Variants in CWF19L2 observed in about 807,000 individuals in gnomAD.
The protein encoded by CWF19L2 is CWF19 like cell cycle control factor 2, also known as CWF19-like protein 2.
CWF19L2 carries 98 observed loss-of-function variants against 111.7 expected under a neutral mutation model. The observed-to-expected ratio is 0.88, with a 90% confidence interval of 0.75 to 1.04. The LOEUF (loss-of-function observed/expected upper bound fraction) is 1.04. Ranked by LOEUF, CWF19L2 falls within the 50% of genes least tolerant of loss-of-function variation. The pLI, the probability that CWF19L2 is intolerant of heterozygous loss-of-function variation, is 0.00. For synonymous variants in CWF19L2, 351 were observed against 342.9 expected, an observed-to-expected ratio of 1.02 and a Z score of -0.26; for missense variants, 1,101 against 1,051.4, an observed-to-expected ratio of 1.05 and a Z score of -0.65.
At chr11:107,376,360 C>A (rs1591171789) in intron 12 of CWF19L2, among the ~76,000 whole-genome samples, 1 of 92,606 alleles carries the variant, frequency 1.1e-5, no homozygotes, top group South Asian at 3.2e-4. Flanking sequence ...ATGCAAAAAT[C>A]CTCAATAAAA....
intron 7 of CWF19L2, among the ~76,000 whole-genome samples, chr11:107,432,391 T>G (rs1308498911): frequency 6.6e-6 from 1 of 152,016 alleles, no homozygotes; most frequent in Non-Finnish European, 1.5e-5. Context: ...GCCTGACCAA[T>G]ATGGTGAAAC....
chr11:107,326,968 G>A lies in CWF19L2; in HGVS notation c.2627C>T (p.Ala876Val), dbSNP rs1859770411. The change falls in exon 18 of 18, where the codon GCA (alanine) becomes GTA (valine). Residue 876 changes from alanine to valine, a missense_variant. Coordinates refer to ENST00000282251, the MANE Select transcript of CWF19L2 (RefSeq NM_152434.3). ...TTTCCACCACTGAGCAAACTGCAGT[G>A]CTTTTTTCCTCTGATCCTCAAAGCT... Reference protein sequence around the residue: ...RESFEDQRKKALQFAQWWKPY... With the variant: ...RESFEDQRKKVLQFAQWWKPY... 1 of 1,611,710 alleles carries A rather than the reference G, an allele frequency of 6.2e-7. No homozygotes were observed. The highest frequency in any genetic ancestry group is 1.3e-5 in the African/African-American group (1 of 74,742).
At chr11:107,430,430 T>C (rs1447128594) in intron 7 of CWF19L2, among the ~76,000 whole-genome samples, 1 of 152,144 alleles carries the variant, frequency 6.6e-6, no homozygotes, top group Non-Finnish European at 1.5e-5. Flanking sequence ...ACAGTCAAAT[T>C]ATCCTTCCTT....
chr11:107,403,105 A>G (rs1004054149), intron 10 of CWF19L2, among the ~76,000 whole-genome samples: 8 of 151,342 alleles, frequency 5.3e-5, no homozygotes, highest in African/African-American at 1.9e-4. Context: ...GACTTTAGGG[A>G]AAGAGTGTGA....
chr11:107,361,030 C>T (rs1860323617), intron 12 of CWF19L2, among the ~76,000 whole-genome samples: 1 of 152,156 alleles, frequency 6.6e-6, no homozygotes, highest in African/African-American at 2.4e-5. Context: ...TCGCCTAGAT[C>T]AATGTCCAGA....
In CWF19L2 at chr11:107,416,292, C is replaced by T; in HGVS notation, c.1534G>A (p.Ala512Thr). The T allele has an allele frequency of 7.1e-7, 1 of 1,416,358 alleles. No homozygotes were observed. Among genetic ancestry groups the T allele is most frequent in the East Asian group, 2.7e-5 (1 of 36,562 alleles). The allele number at this position is 1,416,358 out of a possible 1,614,324, so 87.7% of individuals were successfully genotyped here. A position where few individuals can be genotyped will look rare whatever the true frequency, so the allele number is the denominator to read the frequency against. The stretch of plus-strand genomic sequence containing the variant: ...TCAAGTTGAACTTTAAGTTGTTCAG[C>T]TAATTCCTTCAAAAAGAAAAACAAG... ...KAEMMGNMEL[A>T]EQLKVQLEKA... Residue 512 changes from alanine (A) to threonine (T), a missense_variant, in exon 10 of 18, where the codon GCT becomes ACT. Transcript: ENST00000282251.
rs767987900 is a variant in CWF19L2, at chr11:107,353,586, A to T, written c.2023T>A (p.Cys675Ser). The change falls in exon 13 of 18, where the codon TGT becomes AGT. Residue 675 changes from cysteine (C) to serine (S), a missense_variant. By Grantham distance (112) the Cys-to-Ser change is moderately radical (BLOSUM62 -1). Transcript: ENST00000282251. ...TGAGAGCTGTCAAAACAATACAGAC[A>T]TTTTTCCATTTGTGCAGCAAGACTC... ...HRSLAAQMEK[C>S]LYCFDSSQFP... 25 of 1,613,654 alleles carry T rather than the reference A, an allele frequency of 1.5e-5. No homozygotes were observed. Among genetic ancestry groups the T allele is most frequent in the Non-Finnish European group, 2.0e-5 (24 of 1,179,784 alleles).
Position 107,439,104 on chromosome 11 carries a change from G to T in CWF19L2, c.650C>A (p.Ser217Ter). The change falls in exon 6 of 18, where the codon TCA becomes TAA. Residue 217 changes from serine to a stop codon, truncating the protein, a stop_gained. Transcript: ENST00000282251. LOFTEE classifies it high-confidence loss of function. ...TGTAGAAATACCTTTAGTAATCGATGACACACTACAGTCTTCAGGTGGAAG... is the reference window on the plus strand; with the variant it reads ...TGTAGAAATACCTTTAGTAATCGATTACACACTACAGTCTTCAGGTGGAAG... ...TGLPPEDCSV[S>*]SITKVSVVED... The T allele has an allele frequency of 2.1e-6, 3 of 1,401,150 alleles. No homozygotes were observed. Among genetic ancestry groups the T allele is most frequent in the South Asian group, 1.2e-5 (1 of 84,742 alleles). The allele number at this position is 1,401,150 out of a possible 1,614,324, so 86.8% of individuals were successfully genotyped here.
At chr11:107,338,079 A>T (rs140943770) in intron 14 of CWF19L2, among the ~76,000 whole-genome samples, 20 of 152,142 alleles carry the variant, frequency 1.3e-4, no homozygotes, top group South Asian at 2.1e-4. Context: ...ATTTTTAGAG[A>T]TGTGGTTATG....
intron 10 of CWF19L2, among the ~76,000 whole-genome samples, chr11:107,410,905 T>C (rs1861146875): frequency 6.6e-6 from 1 of 152,112 alleles, no homozygotes; most frequent in African/African-American, 2.4e-5. Flanking sequence ...AAAAAGCACT[T>C]CACTTTAGGA....
chr11:107,338,534 T>A (rs898936864), intron 14 of CWF19L2, among the ~76,000 whole-genome samples: 1 of 152,166 alleles, frequency 6.6e-6, no homozygotes, highest in East Asian at 1.9e-4. Context: ...CTAGCAACCA[T>A]CAGTTATTCT....
chr11:107,380,753 A>G (rs1860673414), intron 12 of CWF19L2, among the ~76,000 whole-genome samples: 1 of 152,212 alleles, frequency 6.6e-6, no homozygotes, highest in South Asian at 2.1e-4. Context: ...AATTGAAAGC[A>G]GAGACTTGCA....
chr11:107,444,096 C>T (rs1321891634), intron 3 of CWF19L2, among the ~76,000 whole-genome samples: 1 of 142,156 alleles, frequency 7.0e-6, no homozygotes, highest in East Asian at 2.0e-4. Flanking sequence ...ATTTCCCACC[C>T]TTTTTTTTTT....
chr11:107,405,376 C>A (rs1352159983), intron 10 of CWF19L2, among the ~76,000 whole-genome samples: 1 of 152,116 alleles, frequency 6.6e-6, no homozygotes, highest in Non-Finnish European at 1.5e-5. Flanking sequence ...AAAACTAATT[C>A]AAAATCACTT....
At chr11:107,331,921 T>C (rs560936345) in intron 16 of CWF19L2, among the ~76,000 whole-genome samples, 2 of 152,234 alleles carry the variant, frequency 1.3e-5, no homozygotes, top group African/African-American at 2.4e-5. Context: ...TCAAAGTGTA[T>C]GTACATTTAG....
chr11:107,404,719 T>A, intron 10 of CWF19L2: 1 of 355,160 alleles, frequency 2.8e-6, no homozygotes, highest in Non-Finnish European at 5.4e-6. Context: ...TTTGTATTGA[T>A]AGGACCTAGC....
intron 14 of CWF19L2, among the ~76,000 whole-genome samples, chr11:107,340,601 T>C (rs141620935): frequency 9.2e-5 from 14 of 152,340 alleles, no homozygotes; most frequent in Admixed American, 4.6e-4. Flanking sequence ...ACATCTCCAG[T>C]AATCAGGTAA....
chr11:107,450,571 TA>T lies in CWF19L2; in HGVS notation c.339+3878del, dbSNP rs376179517. On this transcript the variant is annotated intron_variant, in intron 3 of 17. Coordinates refer to ENST00000282251, the MANE Select transcript of CWF19L2 (RefSeq NM_152434.3). Reference sequence around the variant, plus strand: ...TCAATAAATCAATCAATCAATAAAATAAAAAAGAAGAAATTGATAGGCGAGA... The same window carrying T: ...TCAATAAATCAATCAATCAATAAAATAAAAAGAAGAAATTGATAGGCGAGA... Among the ~76,000 whole-genome samples, 43 of 151,152 alleles carry T rather than the reference TA, an allele frequency of 2.8e-4. No individual in the cohort carries two copies. In the East Asian group the frequency reaches 3.9e-3, roughly 14 times the overall value.
intron 6 of CWF19L2, among the ~76,000 whole-genome samples, 169 bp from the exon 7 acceptor site, chr11:107,433,918 A>ATATATATATATT (rs1180666693): frequency 7.6e-6 from 1 of 131,214 alleles, no homozygotes; most frequent in African/African-American, 2.9e-5. Context: ...ATATATATAT[A>ATATATATATATT]TATTTCAGTG....
Sources: gnomAD v4.1 joint callset for allele counts (sites outside exome capture counted in the v4.1 genomes callset) on GRCh38, gnomAD v4.1.1 for gene constraint, MANE v1.5 for transcripts, NCBI Gene and HGNC (gene_info 2026-07-23, HGNC 2026-07-21) for gene names.